TAAR5: variants seen among roughly 807,000 people sequenced by gnomAD.
TAAR5 encodes the protein trace amine associated receptor 5, also known as trace amine-associated receptor 5.
Under a neutral mutation model 21.1 loss-of-function variants are expected in TAAR5, and 27 were observed. The ratio of observed to expected loss-of-function variants is 1.28; its 90% CI spans 0.94 to 1.76. The LOEUF (loss-of-function observed/expected upper bound fraction) is 1.76, where lower values mean the gene tolerates loss of function less well. TAAR5 is among the 40% of genes most tolerant of loss of function. TAAR5 has a pLI of 0.00. For missense variants in TAAR5, 495 were observed against 405.6 expected (o/e 1.22, Z -1.89); for synonymous variants, 203 against 167.5 (o/e 1.21, Z -1.64).
chr6:132,607,862 G>A, the TAAR5 span, among the ~76,000 whole-genome samples: 1 of 152,102 alleles, frequency 6.6e-6, no homozygotes, highest in African/African-American at 2.4e-5. Flanking sequence ...TCCTTTTCCT[G>A]AATTCCTAGA....
chr6:132,603,009 G>T, the TAAR5 span, among the ~76,000 whole-genome samples: 1 of 152,094 alleles, frequency 6.6e-6, no homozygotes, highest in East Asian at 1.9e-4. Flanking sequence ...GTGACAAAGG[G>T]AGTTAAGAAA....
Position 132,589,458 on chromosome 6 carries a change from C to T in TAAR5, c.229G>A (p.Ala77Thr), listed in dbSNP as rs776672841. 3 of 1,613,638 alleles carry T rather than the reference C, an allele frequency of 1.9e-6. No individual in the cohort carries two copies. The highest frequency in any genetic ancestry group is 4.5e-5 in the East Asian group (2 of 44,866). ...AGACCCAGAAACATGTCAGCCAGGG[C>T]CAGGGAGAGCAGCAGGAAGTTGGTG... ...TPTNFLLLSL[A>T]LADMFLGLLV... The change falls in exon 1 of 1, where the codon GCC (alanine) becomes ACC (threonine). Residue 77 changes from alanine (A) to threonine (T), a missense_variant. Physicochemically the swap from Ala to Thr is moderately conservative, Grantham distance 58 (BLOSUM62 0). Transcript: ENST00000258034.
the TAAR5 span, among the ~76,000 whole-genome samples, chr6:132,600,838 A>G: frequency 7.3e-6 from 1 of 137,550 alleles, no homozygotes; most frequent in Non-Finnish European, 1.6e-5. Flanking sequence ...GGAAGGAAGG[A>G]GGGAAGGAAG....
chr6:132,589,022 A>T lies in TAAR5; in HGVS notation c.665T>A (p.Ile222Asn), dbSNP rs776276576. ...CLIMISLYVK[I>N]FVVATRQAQQ... ...AGCCTGTCTGGTAGCAACCACAAAG[A>T]TCTTCACATACAAGCTGATCATAAT... The change falls in exon 1 of 1, where the codon ATC becomes AAC. Residue 222 changes from isoleucine (I) to asparagine (N), a missense_variant. By Grantham distance (149) the Ile-to-Asn change is moderately radical (BLOSUM62 -3). Transcript: ENST00000258034. 1.8e-5 allele frequency: 29 copies of T among 1,614,072 alleles called. No homozygotes were observed. The South Asian group carries it at 3.0e-4, about 16-fold the overall frequency.
At chr6:132,593,790 T>G (rs1776939258), upstream of TAAR5, among the ~76,000 whole-genome samples, 1 of 152,220 alleles carries the variant, frequency 6.6e-6, no homozygotes, top group Non-Finnish European at 1.5e-5. Flanking sequence ...TTTTCTCATT[T>G]AGTAAGACAG....
the TAAR5 span, among the ~76,000 whole-genome samples, chr6:132,610,290 A>G: frequency 6.6e-6 from 1 of 152,232 alleles, no homozygotes; most frequent in Non-Finnish European, 1.5e-5. Flanking sequence ...AACAAAGCAC[A>G]GAGTCTGCTT....
chr6:132,609,234 T>C, the TAAR5 span: 5 of 349,050 alleles, frequency 1.4e-5, no homozygotes, highest in Non-Finnish European at 2.3e-5. Flanking sequence ...TTTACAAATT[T>C]TGGACAACTG....
chr6:132,610,157 A>C, the TAAR5 span, among the ~76,000 whole-genome samples: 1 of 152,338 alleles, frequency 6.6e-6, no homozygotes, highest in East Asian at 1.9e-4. Context: ...GAGGGTGGAC[A>C]AATGGCATAA....
upstream of TAAR5, chr6:132,589,826 T>A: frequency 1.4e-6 from 1 of 700,520 alleles, no homozygotes; most frequent in South Asian, 2.4e-5. Context: ...GAAACTAAAG[T>A]ACAGTTTGGA....
At chr6:132,596,657 A>AG in the TAAR5 span, among the ~76,000 whole-genome samples, 1 of 152,104 alleles carries the variant, frequency 6.6e-6, no homozygotes, top group Non-Finnish European at 1.5e-5. Flanking sequence ...AAAATTTTTT[A>AG]GGGTTTTTTT....
the TAAR5 span, among the ~76,000 whole-genome samples, chr6:132,607,090 G>A: frequency 6.6e-6 from 1 of 152,144 alleles, no homozygotes; most frequent in African/African-American, 2.4e-5. Context: ...AGCTACTTGG[G>A]AGACTGAGGT....
At chr6:132,608,537 T>C in the TAAR5 span, 1 of 455,982 alleles carries the variant, frequency 2.2e-6, no homozygotes, top group Non-Finnish European at 4.4e-6. Context: ...TCCTTTTTCT[T>C]GGATAGGTGT....
the TAAR5 span, chr6:132,608,287 G>T: frequency 4.5e-6 from 2 of 442,610 alleles, no homozygotes; most frequent in Non-Finnish European, 9.0e-6. Flanking sequence ...TTCTGAATGG[G>T]AGCTAAATAT....
At chr6:132,591,059 A>G (rs1776899461), upstream of TAAR5, among the ~76,000 whole-genome samples, 1 of 152,200 alleles carries the variant, frequency 6.6e-6, no homozygotes, top group Non-Finnish European at 1.5e-5. Flanking sequence ...GGTGAAAGAA[A>G]GCATGGTAGA....
the TAAR5 span, among the ~76,000 whole-genome samples, chr6:132,598,466 A>G: frequency 6.6e-6 from 1 of 152,204 alleles, no homozygotes; most frequent in Non-Finnish European, 1.5e-5. Flanking sequence ...AATTAATATA[A>G]TTGAAAGGTG....
the TAAR5 span, among the ~76,000 whole-genome samples, chr6:132,600,975 GGGAAAGAAGGAAGGAA>G: frequency 1.3e-5 from 1 of 75,992 alleles, no homozygotes; most frequent in African/African-American, 6.0e-5. Flanking sequence ...GAGGGAAGGA[GGGAAAGAAGGAAGGAA>G]GGAGGGAAGG....
At chr6:132,599,923 T>G in the TAAR5 span, among the ~76,000 whole-genome samples, 1 of 152,146 alleles carries the variant, frequency 6.6e-6, no homozygotes, top group Non-Finnish European at 1.5e-5. Flanking sequence ...AGAAGTTAAT[T>G]TAGAAAATTA....
chr6:132,605,105 GA>G, the TAAR5 span, among the ~76,000 whole-genome samples: 1 of 152,198 alleles, frequency 6.6e-6, no homozygotes, highest in Non-Finnish European at 1.5e-5. Flanking sequence ...ACTGTCATCT[GA>G]AACCCTGAGA....
chr6:132,615,443 T>C, the TAAR5 span, among the ~76,000 whole-genome samples: 2 of 146,688 alleles, frequency 1.4e-5, no homozygotes, highest in Non-Finnish European at 3.1e-5. Flanking sequence ...TGAAAATCTT[T>C]ATTTAAAAAA....
Sources: gnomAD v4.1 joint callset for allele counts (sites outside exome capture counted in the v4.1 genomes callset) on GRCh38, gnomAD v4.1.1 for gene constraint, MANE v1.5 for transcripts, NCBI Gene and HGNC (gene_info 2026-07-23, HGNC 2026-07-21) for gene names.